Variants in CHL1 observed in about 807,000 individuals in gnomAD.
CHL1 encodes cell adhesion molecule L1 like, also known as neural cell adhesion molecule L1-like protein.
Under a neutral mutation model 141.9 loss-of-function variants are expected in CHL1, and 96 were observed. The observed-to-expected ratio is 0.68, with a 90% CI of 0.57 to 0.80. The LOEUF is 0.80. Ranked by LOEUF, CHL1 falls within the 30% of genes least tolerant of loss-of-function variation. The probability of loss-of-function intolerance (pLI) is 0.00; values close to 1 mark genes in which losing one functional copy is unlikely to be tolerated. For synonymous variants in CHL1, 613 were observed against 502.2 expected (o/e 1.22, Z -2.95); for missense variants, 1,820 against 1,457.2 (o/e 1.25, Z -4.05).
chr3:372,590 C>G (rs895129340), intron 15 of CHL1, among the ~76,000 whole-genome samples: 1 of 152,134 alleles, frequency 6.6e-6, no homozygotes, highest in Non-Finnish European at 1.5e-5. Context: ...TATTACCCAT[C>G]CTCTGAAGCC....
At chr3:339,191 A>T (rs1226713636) in intron 5 of CHL1, among the ~76,000 whole-genome samples, 4 of 152,220 alleles carry the variant, frequency 2.6e-5, no homozygotes, top group African/African-American at 7.2e-5. Context: ...AAACTAAATA[A>T]GTGGTTCAAT....
At chr3:227,493 T>A (rs928367369) in intron 1 of CHL1, among the ~76,000 whole-genome samples, 1 of 152,200 alleles carries the variant, frequency 6.6e-6, no homozygotes, top group Non-Finnish European at 1.5e-5. Flanking sequence ...CAGGCTCATA[T>A]CATTTTCAAA....
At chr3:386,041 T>A (rs1176963780) in intron 19 of CHL1, among the ~76,000 whole-genome samples, 1 of 151,980 alleles carries the variant, frequency 6.6e-6, no homozygotes, top group Non-Finnish European at 1.5e-5. Context: ...AGAACATTCA[T>A]TCACTGAGTA....
chr3:376,443 A>G (rs764267560), intron 15 of CHL1: 2 of 512,388 alleles, frequency 3.9e-6, no homozygotes, highest in Non-Finnish European at 7.8e-6. Flanking sequence ...TACCATACCT[A>G]CCACATTTCG....
At chr3:378,254 G>T (rs1288318824) in intron 16 of CHL1, among the ~76,000 whole-genome samples, 2 of 152,094 alleles carry the variant, frequency 1.3e-5, no homozygotes, top group African/African-American at 2.4e-5. Context: ...CTCTTTCCTG[G>T]TGTACAAAGA....
chr3:318,535 GA>G (rs751649567), intron 2 of CHL1, among the ~76,000 whole-genome samples: 1 of 151,480 alleles, frequency 6.6e-6, no homozygotes, highest in East Asian at 1.9e-4. Flanking sequence ...CAATGTTTCA[GA>G]AAAAAATTGA....
chr3:254,570 C>A (rs1693988919), intron 2 of CHL1, among the ~76,000 whole-genome samples: 1 of 152,122 alleles, frequency 6.6e-6, no homozygotes, highest in African/African-American at 2.4e-5. Flanking sequence ...GCCTTATAAG[C>A]CACGTATCTT....
intron 1 of CHL1, among the ~76,000 whole-genome samples, chr3:225,040 C>G (rs772899862): frequency 6.6e-6 from 1 of 151,986 alleles, no homozygotes; most frequent in Non-Finnish European, 1.5e-5. Context: ...GGAGGCCGGG[C>G]GGGAGAACAC....
chr3:277,195 A>T (rs1015446999), intron 2 of CHL1, among the ~76,000 whole-genome samples: 4 of 152,064 alleles, frequency 2.6e-5, no homozygotes, highest in African/African-American at 9.7e-5. Context: ...ATGCTTATAG[A>T]TTTTTTTTAA....
At chr3:296,870 A>T (rs1238405664) in intron 2 of CHL1, among the ~76,000 whole-genome samples, 1 of 152,224 alleles carries the variant, frequency 6.6e-6, no homozygotes, top group African/African-American at 2.4e-5. Flanking sequence ...GCATGTAATT[A>T]TATCAGCAAA....
chr3:382,876 G>A (rs1707230865), intron 18 of CHL1: 5 of 562,794 alleles, frequency 8.9e-6, no homozygotes, highest in East Asian at 5.7e-5. Flanking sequence ...CAGGAAATTA[G>A]GGGAGTGACA....
At chr3:384,394 A>T (rs1235727902) in intron 19 of CHL1, 1 of 152,220 alleles carries the variant, frequency 6.6e-6, no homozygotes, top group African/African-American at 2.4e-5. Flanking sequence ...GGCATCCAGG[A>T]TTATGAATGT....
At chr3:267,458 A>G (rs1321519610) in intron 2 of CHL1, among the ~76,000 whole-genome samples, 1 of 152,138 alleles carries the variant, frequency 6.6e-6, no homozygotes, top group Non-Finnish European at 1.5e-5. Context: ...TACTGCATTC[A>G]CTTCCTTTGA....
intron 2 of CHL1, among the ~76,000 whole-genome samples, chr3:300,785 A>G (rs984691633): frequency 6.6e-6 from 1 of 152,142 alleles, no homozygotes; most frequent in Non-Finnish European, 1.5e-5. Context: ...AAGTGCAACA[A>G]AAAAAAGAGA....
At chr3:203,197 C>G (rs891120415) in intron 1 of CHL1, among the ~76,000 whole-genome samples, 1 of 152,192 alleles carries the variant, frequency 6.6e-6, no homozygotes. Context: ...AGGAGCCAAA[C>G]CAATGTCCCT....
At chr3:344,416 T>G (rs899620917) in intron 8 of CHL1, among the ~76,000 whole-genome samples, 173 bp from the exon 9 acceptor site, 1 of 151,744 alleles carries the variant, frequency 6.6e-6, no homozygotes, top group Non-Finnish European at 1.5e-5. Context: ...TGCTTCATGG[T>G]AAGAGAGAAG....
At chr3:207,112 C>G (rs1180501242) in intron 1 of CHL1, among the ~76,000 whole-genome samples, 2 of 152,092 alleles carry the variant, frequency 1.3e-5, no homozygotes, top group East Asian at 1.9e-4. Flanking sequence ...CAGGCACAGC[C>G]AATATATTTG....
chr3:356,002 A>G (rs1470116598), intron 11 of CHL1, among the ~76,000 whole-genome samples: 1 of 152,198 alleles, frequency 6.6e-6, no homozygotes, highest in East Asian at 1.9e-4. Context: ...AACATCATGC[A>G]GAGAATGCTT....
At chr3:209,935 G>A (rs998991717) in intron 1 of CHL1, among the ~76,000 whole-genome samples, 4 of 152,134 alleles carry the variant, frequency 2.6e-5, no homozygotes, top group African/African-American at 9.7e-5. Flanking sequence ...AGACTGTTTG[G>A]TAAATACCAT....
Sources: gnomAD v4.1 joint callset for allele counts (sites outside exome capture counted in the v4.1 genomes callset) on GRCh38, gnomAD v4.1.1 for gene constraint, MANE v1.5 for transcripts, NCBI Gene and HGNC (gene_info 2026-07-23, HGNC 2026-07-21) for gene names.